Variants in SULT2B1 observed in about 807,000 individuals in gnomAD.
SULT2B1 encodes the protein sulfotransferase family 2B member 1, also known as sulfotransferase 2B1.
Under a neutral mutation model 33.2 loss-of-function variants are expected in SULT2B1, and 16 were observed. The observed-to-expected ratio is 0.48, with a 90% CI of 0.33 to 0.73. The LOEUF is 0.73. Among genes scored for constraint, SULT2B1 ranks in the 30% least tolerant of loss-of-function variants. The probability of loss-of-function intolerance (pLI) is 0.02; values close to 1 mark genes in which losing one functional copy is unlikely to be tolerated. For missense variants in SULT2B1, 500 were observed against 506.0 expected (o/e 0.99, Z 0.11); for synonymous variants, 186 against 200.5 (o/e 0.93, Z 0.61).
At chr19:48,576,203 G>C in intron 2 of SULT2B1, 120 bp downstream of exon 2, 1 of 902,050 alleles carries the variant, frequency 1.1e-6, no homozygotes, top group Non-Finnish European at 1.7e-6. Context: ...TCTGTTCAGA[G>C]CGGTGCCCCT....
rs551360543 is a variant in SULT2B1 at position 48,574,851 on chromosome 19, T to A, written c.72-1090T>A. 2.0e-4 allele frequency among the ~76,000 whole-genome samples: 31 copies of A among 152,274 alleles called. No homozygotes were observed. In the South Asian group the frequency reaches 6.0e-3, roughly 29 times the overall value. On this transcript the variant is annotated intron_variant, in intron 1 of 6. Coordinates refer to ENST00000201586, the MANE Select transcript of SULT2B1 (RefSeq NM_177973.2). Reference sequence around the variant, plus strand: ...CTGCGCCTGCCCACTGGACTAAATTTGCCTGGTAACCGATGACATCATCAC... The same window carrying A: ...CTGCGCCTGCCCACTGGACTAAATTAGCCTGGTAACCGATGACATCATCAC...
chr19:48,579,499 C>T (rs1038119382), intron 2 of SULT2B1, among the ~76,000 whole-genome samples: 6 of 151,492 alleles, frequency 4.0e-5, no homozygotes, highest in Non-Finnish European at 7.4e-5. Flanking sequence ...AGCCAGGATG[C>T]TCTCCATCTC....
chr19:48,582,655 C>G (rs1415169688), intron 2 of SULT2B1, among the ~76,000 whole-genome samples: 1 of 152,002 alleles, frequency 6.6e-6, no homozygotes, highest in African/African-American at 2.4e-5. Context: ...GGAGACCAGA[C>G]TGGCCTACAT....
Position 48,599,226 on chromosome 19 carries a change from C to A in SULT2B1, c.918C>A (p.Thr306=), listed in dbSNP as rs763469282. 1.9e-6 allele frequency: 3 copies of A among 1,608,766 alleles called. No individual in the cohort carries two copies. In the South Asian group the frequency reaches 3.3e-5, roughly 18 times the overall value. The part of the protein sequence containing the change: ...AYRKQMRGMP[T]FPWDEDPEED... ...GCAAGCAGATGCGGGGGATGCCGACCTTCCCCTGGGATGAAGACCCGGAGG... is the reference window on the plus strand; with the variant it reads ...GCAAGCAGATGCGGGGGATGCCGACATTCCCCTGGGATGAAGACCCGGAGG... The change falls in exon 7 of 7, where the codon ACC becomes ACA. Residue 306 remains threonine, a synonymous_variant. Coordinates refer to ENST00000201586, the MANE Select transcript of SULT2B1 (RefSeq NM_177973.2). This position sits in a 1 kb window ranked among gnomAD's most constrained non-coding sequence, Gnocchi z 4.1.
intron 2 of SULT2B1, among the ~76,000 whole-genome samples, chr19:48,584,111 A>G (rs1326574904): frequency 2.0e-5 from 3 of 152,178 alleles, no homozygotes; most frequent in Admixed American, 6.6e-5. Context: ...ACTCCGTCTC[A>G]AACAAACAAA....
chr19:48,564,538 C>T (rs368889984), intron 1 of SULT2B1, among the ~76,000 whole-genome samples: 8 of 107,218 alleles, frequency 7.5e-5, no homozygotes, highest in Admixed American at 1.5e-4. Context: ...GGCAACAGAG[C>T]GAGACTCCGT....
chr19:48,596,848 A>ACAC lies in SULT2B1; in HGVS notation c.758_760dup (p.Thr253dup). ...TCAACCTTCAGCGCCATGAAGGCCA[A>ACAC]CACCATGTCCAACTACACGCTGCTG... On this transcript the variant is annotated inframe_insertion, in exon 6 of 7. Transcript: ENST00000201586. 1 of 1,609,672 alleles carries ACAC rather than the reference A, an allele frequency of 6.2e-7. No homozygotes were observed. Among genetic ancestry groups the ACAC allele is most frequent in the Non-Finnish European group, 8.5e-7 (1 of 1,179,910 alleles).
chr19:48,554,250 C>T (rs577344858), intron 1 of SULT2B1, among the ~76,000 whole-genome samples: 3 of 151,168 alleles, frequency 2.0e-5, no homozygotes, highest in African/African-American at 7.3e-5. Context: ...CCCCCTGGGG[C>T]CCACTTCCTT....
chr19:48,589,741 G>C (rs1261040028), intron 3 of SULT2B1, among the ~76,000 whole-genome samples: 1 of 152,170 alleles, frequency 6.6e-6, no homozygotes, highest in Non-Finnish European at 1.5e-5. Context: ...GTGAGCAGTT[G>C]ATTGAGCCCA....
intron 3 of SULT2B1, among the ~76,000 whole-genome samples, chr19:48,588,522 A>AC (rs200981005): frequency 2.7e-5 from 4 of 147,890 alleles, no homozygotes; most frequent in Non-Finnish European, 5.9e-5. Context: ...CAAAAAAAAA[A>AC]CCCCCATATA....
chr19:48,559,508 T>C (rs1973147486), intron 1 of SULT2B1, among the ~76,000 whole-genome samples: 1 of 152,098 alleles, frequency 6.6e-6, no homozygotes, highest in Non-Finnish European at 1.5e-5. Context: ...GTAGCTGGGA[T>C]TACAGGCATG....
At chr19:48,556,387 T>C (rs1308711845) in intron 1 of SULT2B1, among the ~76,000 whole-genome samples, 1 of 151,962 alleles carries the variant, frequency 6.6e-6, no homozygotes, top group Non-Finnish European at 1.5e-5. Flanking sequence ...TTAAGCAACC[T>C]CTGAGCCGGA....
intron 3 of SULT2B1, among the ~76,000 whole-genome samples, chr19:48,589,720 C>A (rs537125105): frequency 6.6e-6 from 1 of 152,286 alleles, no homozygotes; most frequent in African/African-American, 2.4e-5. Context: ...CCAGCACTTT[C>A]AGAGGCCAAG....
intron 3 of SULT2B1, 30 bp from the exon 4 acceptor site, chr19:48,591,578 CT>C: frequency 6.3e-7 from 1 of 1,597,618 alleles, no homozygotes; most frequent in Admixed American, 1.7e-5. Flanking sequence ...TGTCTGACGC[CT>C]TCTCCCCTCT....
rs1973043543 is a variant in SULT2B1 at position 48,552,555 on chromosome 19, G to A, written c.71+232G>A. ...AGTCACCAGTGGGGATGCCTGGGGTGTCCCTGTCGCTCTCCGGGCCTCAGT... is the reference window on the plus strand; with the variant it reads ...AGTCACCAGTGGGGATGCCTGGGGTATCCCTGTCGCTCTCCGGGCCTCAGT... On this transcript the variant is annotated intron_variant, in intron 1 of 6. Transcript: ENST00000201586. This position sits in a 1 kb window ranked among gnomAD's most constrained non-coding sequence, Gnocchi z 4.8. Among the ~76,000 whole-genome samples the A allele has an allele frequency of 6.6e-6, 1 of 152,156 alleles. No homozygotes were observed. Among genetic ancestry groups the A allele is most frequent in the South Asian group, 2.1e-4 (1 of 4,832 alleles).
At chr19:48,555,731 C>T (rs1973092120) in intron 1 of SULT2B1, among the ~76,000 whole-genome samples, 1 of 151,476 alleles carries the variant, frequency 6.6e-6, no homozygotes, top group Admixed American at 6.6e-5. Flanking sequence ...TGCGCCACCA[C>T]ACCCAGCTAA....
rs201499986 is a variant in SULT2B1 at position 48,596,905 on chromosome 19, C to T, written c.812C>T (p.Ala271Val). 24 of 1,596,758 alleles carry T rather than the reference C, an allele frequency of 1.5e-5. No individual in the cohort carries two copies. The highest frequency in any genetic ancestry group is 1.9e-5 in the Non-Finnish European group (22 of 1,176,196). ...AGCCTGCTGGACCACCGTCGCGGGG[C>T]CTTCCTCCGGAAAGGTGCGGGGGTT... ...PPSLLDHRRG[A>V]FLRKGVCGDW... Residue 271 changes from alanine to valine, a missense_variant, in exon 6 of 7, where the codon GCC becomes GTC. Coordinates refer to ENST00000201586, the MANE Select transcript of SULT2B1 (RefSeq NM_177973.2).
rs1198959273 is a variant in SULT2B1 at position 48,599,115 on chromosome 19, T to A, written c.827-20T>A. 2 of 1,556,696 alleles carry A rather than the reference T, an allele frequency of 1.3e-6. No individual in the cohort carries two copies. Among genetic ancestry groups the A allele is most frequent in the South Asian group, 2.3e-5 (2 of 85,250 alleles). Reference sequence around the variant, plus strand: ...TGCTCCCCAGAGGCTCCTCACCCCCTGGTGCCCCCTCTTCTCCAGGGGTCT... The same window carrying A: ...TGCTCCCCAGAGGCTCCTCACCCCCAGGTGCCCCCTCTTCTCCAGGGGTCT... On this transcript the variant is annotated intron_variant, in intron 6 of 6. Coordinates refer to ENST00000201586, the MANE Select transcript of SULT2B1 (RefSeq NM_177973.2). The surrounding 1 kb of genome is among the most constrained non-coding windows in gnomAD (Gnocchi z 4.1).
intron 1 of SULT2B1, among the ~76,000 whole-genome samples, chr19:48,556,949 C>CAA (rs57288472): frequency 6.9e-5 from 10 of 144,332 alleles, no homozygotes; most frequent in Admixed American, 1.4e-4. Context: ...GACTCTGTCT[C>CAA]AAAAAAAAAA....
Sources: allele counts gnomAD v4.1 joint callset (sites outside exome capture counted in the v4.1 genomes callset), GRCh38; gene constraint gnomAD v4.1.1; non-coding constraint Gnocchi (gnomAD v3.1); transcripts MANE v1.5; gene names NCBI Gene and HGNC (gene_info 2026-07-23, HGNC 2026-07-21).